Variants in SLC35A3 observed in about 807,000 individuals in gnomAD.
SLC35A3 encodes solute carrier family 35 member A3.
In SLC35A3, 26 loss-of-function variants were observed where a neutral mutation model predicts 39.0. That is an observed-to-expected ratio of 0.67 (90% confidence interval 0.49 to 0.92). The LOEUF is 0.92. Ranked by LOEUF, SLC35A3 falls within the 40% of genes least tolerant of loss-of-function variation. SLC35A3 has a pLI of 0.00. For missense variants in SLC35A3, 299 were observed against 371.6 expected, an observed-to-expected ratio of 0.80 and a Z score of 1.61; for synonymous variants, 135 against 133.1, an observed-to-expected ratio of 1.01 and a Z score of -0.10.
chr1:100,022,860 G>A lies in SLC35A3; in HGVS notation c.*384G>A, dbSNP rs1201157548. ...TAAATGTTTTTATCTTACTCTTTCTGTACAGATATATCAAATCACATGAAA... is the reference window on the plus strand; with the variant it reads ...TAAATGTTTTTATCTTACTCTTTCTATACAGATATATCAAATCACATGAAA... On this transcript the variant is annotated 3_prime_UTR_variant, in exon 8 of 8. Coordinates refer to ENST00000533028, the MANE Select transcript of SLC35A3 (RefSeq NM_012243.3). 1 of 154,034 alleles carries A rather than the reference G, an allele frequency of 6.5e-6. No individual in the cohort carries two copies. Among genetic ancestry groups the A allele is most frequent in the African/African-American group, 2.4e-5 (1 of 41,452 alleles). The allele number at this position is 154,034 out of a possible 1,614,324, so 9.5% of individuals were successfully genotyped here.
intron 3 of SLC35A3, among the ~76,000 whole-genome samples, chr1:100,003,443 A>T (rs1379842731): frequency 1.3e-5 from 2 of 150,156 alleles, no homozygotes; most frequent in Non-Finnish European, 1.5e-5. Flanking sequence ...AAAAAAAGAG[A>T]AGAGGAAAAA....
intron 5 of SLC35A3, among the ~76,000 whole-genome samples, chr1:100,013,344 G>A (rs1659814407): frequency 6.6e-6 from 1 of 151,392 alleles, no homozygotes; most frequent in Admixed American, 6.6e-5. Context: ...TGGATACAGT[G>A]GCTCACGCCT....
intron 2 of SLC35A3, among the ~76,000 whole-genome samples, chr1:99,997,161 G>A (rs929774617): frequency 1.3e-5 from 2 of 151,696 alleles, no homozygotes; most frequent in African/African-American, 2.4e-5. Context: ...TAACGTGGAG[G>A]AAATAAAGGA....
intron 1 of SLC35A3, 164 bp downstream of exon 1, chr1:99,970,326 T>C (rs1200296725): frequency 1.8e-6 from 1 of 557,808 alleles, no homozygotes; most frequent in East Asian, 3.0e-5. Flanking sequence ...AATACAGTGC[T>C]AGCTAAGTAG....
At chr1:99,973,770 A>C (rs1312580531) in intron 1 of SLC35A3, among the ~76,000 whole-genome samples, 5 of 152,228 alleles carry the variant, frequency 3.3e-5, no homozygotes, top group Non-Finnish European at 7.3e-5. Context: ...TAATCCCAGC[A>C]TTTTGGGAGG....
intron 6 of SLC35A3, among the ~76,000 whole-genome samples, chr1:100,016,965 C>G (rs769577864): frequency 6.6e-6 from 1 of 152,128 alleles, no homozygotes; most frequent in Non-Finnish European, 1.5e-5. Context: ...TTGTAGTAAG[C>G]TCAATTGGCA....
At position 100,016,803 on chromosome 1, in the gene SLC35A3, C is replaced by T. The variant is rs567922896; in HGVS notation, c.754-879C>T. On this transcript the variant is annotated intron_variant, in intron 6 of 7. Transcript: ENST00000533028. ...GAGTTTATGTATGATGTATCTTATT[C>T]CAGCAAAGAGAAGAAGCCCCCTTCC... is the stretch of plus-strand genomic sequence containing the variant. Among the ~76,000 whole-genome samples the T allele has an allele frequency of 5.3e-5, 8 of 152,166 alleles. No homozygotes were observed. In the East Asian group the frequency reaches 1.5e-3, roughly 29 times the overall value.
chr1:100,015,678 G>A (rs1430747537), intron 6 of SLC35A3: 8 of 387,466 alleles, frequency 2.1e-5, no homozygotes, highest in Non-Finnish European at 3.1e-5. Context: ...TAAAAGAGTT[G>A]AAGCTAAAGG....
rs138133991 is a variant in SLC35A3, at chr1:100,021,581, G to A, written c.888-805G>A. ...TCAGCTACTTAGGAGACTGAGCTGG[G>A]ATTGCTTGAACCCTGGAGGTCGAGG... On this transcript the variant is annotated intron_variant, in intron 7 of 7. Coordinates refer to ENST00000533028, the MANE Select transcript of SLC35A3 (RefSeq NM_012243.3). 4.5e-4 allele frequency among the ~76,000 whole-genome samples: 68 copies of A among 151,772 alleles called. 2 individuals are homozygous for A. The South Asian group carries it at 6.1e-3, about 14-fold the overall frequency.
At chr1:99,988,293 CT>C (rs1461998259) in intron 1 of SLC35A3, among the ~76,000 whole-genome samples, 4 of 151,988 alleles carry the variant, frequency 2.6e-5, no homozygotes, top group Non-Finnish European at 5.9e-5. Context: ...ATACAGTATA[CT>C]GTTTTGTTTA....
chr1:99,989,414 G>C (rs1220898402), intron 1 of SLC35A3, among the ~76,000 whole-genome samples: 1 of 151,612 alleles, frequency 6.6e-6, no homozygotes, highest in African/African-American at 2.4e-5. Context: ...CTCCTGAGTA[G>C]CTGGGATTAC....
At position 99,999,346 on chromosome 1, in the gene SLC35A3, A is replaced by T. The variant is rs1236692690; in HGVS notation, c.273A>T (p.Ser91=). 1 of 1,599,974 alleles carries T rather than the reference A, an allele frequency of 6.3e-7. No homozygotes were observed. The highest frequency in any genetic ancestry group is 1.7e-5 in the Admixed American group (1 of 58,130). ...AAACACTTAAACTTGCTATTCCATC[A>T]GGGATCTATACTCTTCAGAATAATT... The part of the protein sequence containing the change: ...PMETLKLAIP[S]GIYTLQNNLL... Residue 91 remains serine (S), a synonymous_variant, in exon 3 of 8, where the codon TCA becomes TCT. Transcript: ENST00000533028.
Position 100,023,634 on chromosome 1 carries a change from C to T in SLC35A3, c.*1158C>T, listed in dbSNP as rs1030092585. The T allele has an allele frequency of 1.1e-4, 16 of 152,164 alleles. No individual in the cohort carries two copies. Among genetic ancestry groups the T allele is most frequent in the African/African-American group, 3.9e-4 (16 of 41,432 alleles). The allele number at this position is 152,164 out of a possible 1,614,324, so 9.4% of individuals were successfully genotyped here. ...GGCTGCTCGGAAGATTTTTTTAGGTCTCTCATAAGCCTATTCTTCCCTGAT... is the reference window on the plus strand; with the variant it reads ...GGCTGCTCGGAAGATTTTTTTAGGTTTCTCATAAGCCTATTCTTCCCTGAT... On this transcript the variant is annotated 3_prime_UTR_variant, in exon 8 of 8. Transcript: ENST00000533028.
In SLC35A3 at chr1:100,026,613, T is replaced by C. The variant is rs915033945; in HGVS notation, c.*4137T>C. ...CAAAAGCATAAACATTTGTGAACAG[T>C]ACTTAAATAAATTGTGATACTATTG... On this transcript the variant is annotated 3_prime_UTR_variant, in exon 8 of 8. Transcript: ENST00000533028. 4 of 152,220 alleles carry C rather than the reference T, an allele frequency of 2.6e-5. No homozygotes were observed. The highest frequency in any genetic ancestry group is 9.6e-5 in the African/African-American group (4 of 41,470). The allele number at this position is 152,220 out of a possible 1,614,324, so 9.4% of individuals were successfully genotyped here.
intron 1 of SLC35A3, among the ~76,000 whole-genome samples, chr1:99,980,612 T>C (rs1657400371): frequency 6.6e-6 from 1 of 152,242 alleles, no homozygotes; most frequent in Non-Finnish European, 1.5e-5. Context: ...AAATGGATAC[T>C]ACTGTAACTT....
chr1:100,035,076 TGAG>T lies in SLC35A3; in HGVS notation c.*12605_*12607del, dbSNP rs1257081934. 3.9e-5 allele frequency: 6 copies of T among 152,166 alleles called. No individual in the cohort carries two copies. Among genetic ancestry groups the T allele is most frequent in the Admixed American group, 6.5e-5 (1 of 15,270 alleles). The allele number at this position is 152,166 out of a possible 1,614,324, so 9.4% of individuals were successfully genotyped here. On this transcript the variant is annotated 3_prime_UTR_variant, in exon 8 of 8. Coordinates refer to ENST00000533028, the MANE Select transcript of SLC35A3 (RefSeq NM_012243.3). ...TTGTGAATACGGTCATCCCTCCATA[TGAG>T]GAGGGGAGTGGGAATTGGTTGTGGG... is the stretch of plus-strand genomic sequence containing the variant.
At chr1:100,017,489 G>A (rs1465289673) in intron 6 of SLC35A3, among the ~76,000 whole-genome samples, 193 bp from the exon 7 acceptor site, 1 of 152,118 alleles carries the variant, frequency 6.6e-6, no homozygotes, top group Non-Finnish European at 1.5e-5. Context: ...TTAATTAAAT[G>A]CCTTTTGAAA....
intron 1 of SLC35A3, among the ~76,000 whole-genome samples, chr1:99,979,721 A>G (rs1244445925): frequency 7.0e-6 from 1 of 142,722 alleles, no homozygotes; most frequent in Admixed American, 6.9e-5. Flanking sequence ...GACGTGAGCC[A>G]CCGCGCCTGG....
intron 1 of SLC35A3, among the ~76,000 whole-genome samples, chr1:99,992,440 CCT>C (rs1410185230): frequency 1.3e-5 from 2 of 151,446 alleles, no homozygotes; most frequent in African/African-American, 4.9e-5. Context: ...TACTTTTTAA[CCT>C]ATATATGTCT....
Sources: gnomAD v4.1 joint callset for allele counts (sites outside exome capture counted in the v4.1 genomes callset) on GRCh38, gnomAD v4.1.1 for gene constraint, MANE v1.5 for transcripts, NCBI Gene and HGNC (gene_info 2026-07-23, HGNC 2026-07-21) for gene names.